Variants in UGT1A8 observed in about 807,000 individuals in gnomAD.
The protein encoded by UGT1A8 is UDP glucuronosyltransferase family 1 member A8, also known as UDP-glucuronosyltransferase 1A8.
Under a neutral mutation model 45.3 loss-of-function variants are expected in UGT1A8, and 39 were observed. The ratio of observed to expected loss-of-function variants is 0.86; its 90% CI spans 0.67 to 1.12. The LOEUF is 1.12. UGT1A8 is among the 50% of genes most tolerant of loss of function. The probability of loss-of-function intolerance (pLI) is 0.00; values close to 1 mark genes in which losing one functional copy is unlikely to be tolerated. For synonymous variants in UGT1A8, 275 were observed against 249.2 expected (o/e 1.10, Z -0.97); for missense variants, 719 against 664.9 (o/e 1.08, Z -0.90).
intron 1 of UGT1A8, among the ~76,000 whole-genome samples, chr2:233,765,663 C>T (rs1698902511): frequency 6.6e-6 from 1 of 151,426 alleles, no homozygotes; most frequent in South Asian, 2.1e-4. Flanking sequence ...CAGCAAACCA[C>T]CATGGCATAT....
chr2:233,739,475 GA>G (rs1691117772), intron 1 of UGT1A8, among the ~76,000 whole-genome samples: 1 of 152,238 alleles, frequency 6.6e-6, no homozygotes, highest in African/African-American at 2.4e-5. Flanking sequence ...GAGACCGTGG[GA>G]GCCCATTTCT....
intron 1 of UGT1A8, among the ~76,000 whole-genome samples, chr2:233,765,612 G>T (rs1698887269): frequency 2.0e-5 from 3 of 151,940 alleles, no homozygotes; most frequent in Admixed American, 6.6e-5. Flanking sequence ...GTGGCGGGGT[G>T]AGGGGTGAGG....
At chr2:233,746,983 G>T (rs1426069164) in intron 1 of UGT1A8, among the ~76,000 whole-genome samples, 1 of 151,820 alleles carries the variant, frequency 6.6e-6, no homozygotes, top group Non-Finnish European at 1.5e-5. Context: ...AGCGAGCGCA[G>T]GGTCAGATGA....
chr2:233,737,653 G>C (rs567057644), intron 1 of UGT1A8, among the ~76,000 whole-genome samples: 4 of 152,320 alleles, frequency 2.6e-5, no homozygotes, highest in African/African-American at 9.6e-5. Context: ...CATGCTGGGA[G>C]CTGCAGATCG....
At chr2:233,673,458 A>G (rs1409521371) in intron 1 of UGT1A8, among the ~76,000 whole-genome samples, 1 of 152,142 alleles carries the variant, frequency 6.6e-6, no homozygotes, top group East Asian at 1.9e-4. Context: ...TACTTTCCTT[A>G]CATGAATATA....
rs141017445 is a variant in UGT1A8, at chr2:233,674,407, C to T, written c.855+55845C>T. Among the ~76,000 whole-genome samples the T allele has an allele frequency of 2.2e-3, 337 of 152,250 alleles. 2 individuals carry two copies. Among genetic ancestry groups the T allele is most frequent in the African/African-American group, 7.8e-3 (324 of 41,536 alleles). On this transcript the variant is annotated intron_variant, in intron 1 of 4. Transcript: ENST00000373450. Reference sequence around the variant, plus strand: ...TACCCTCCATAAATTATAGTATCCTCCATTAATTGTAGTAACAGGCACCAC... The same window carrying T: ...TACCCTCCATAAATTATAGTATCCTTCATTAATTGTAGTAACAGGCACCAC...
chr2:233,668,702 T>A (rs1202934189), intron 1 of UGT1A8, among the ~76,000 whole-genome samples: 2 of 152,248 alleles, frequency 1.3e-5, no homozygotes, highest in Admixed American at 1.3e-4. Flanking sequence ...TTTCTCCACA[T>A]CTTCTCTAGC....
chr2:233,675,984 A>G (rs1252674012), intron 1 of UGT1A8, among the ~76,000 whole-genome samples: 1 of 152,208 alleles, frequency 6.6e-6, no homozygotes, highest in African/African-American at 2.4e-5. Flanking sequence ...CTTTCCATAC[A>G]GATCAATGGA....
rs1430980091 is a variant in UGT1A8 at position 233,768,314 on chromosome 2, G to A, written c.1170G>A (p.Leu390=). ...CNGVPMVMMP[L]FGDQMDNAKR... is the part of the protein sequence containing the mutation. ...GCGTTCCCATGGTGATGATGCCCTTGTTTGGTGATCAGATGGACAATGCAA... is the reference window on the plus strand; with the variant it reads ...GCGTTCCCATGGTGATGATGCCCTTATTTGGTGATCAGATGGACAATGCAA... The change falls in exon 4 of 5, where the codon TTG becomes TTA. Residue 390 remains leucine (L), a synonymous_variant. Transcript: ENST00000373450. 1.9e-5 allele frequency: 31 copies of A among 1,614,180 alleles called. No homozygotes were observed. Among genetic ancestry groups the A allele is most frequent in the Non-Finnish European group, 2.6e-5 (31 of 1,180,040 alleles).
chr2:233,685,430 G>A (rs1665210350), intron 1 of UGT1A8, among the ~76,000 whole-genome samples: 1 of 152,068 alleles, frequency 6.6e-6, no homozygotes, highest in Non-Finnish European at 1.5e-5. Context: ...CAGTTATAAA[G>A]AATTCGAGCT....
At chr2:233,752,913 G>A (rs1372814851) in intron 1 of UGT1A8, among the ~76,000 whole-genome samples, 1 of 152,202 alleles carries the variant, frequency 6.6e-6, no homozygotes, top group East Asian at 1.9e-4. Context: ...CCACCTCTGA[G>A]TGACACTGGT....
intron 1 of UGT1A8, among the ~76,000 whole-genome samples, chr2:233,701,179 T>C (rs961391364): frequency 6.6e-6 from 1 of 152,222 alleles, no homozygotes; most frequent in African/African-American, 2.4e-5. Context: ...GTTATAAACA[T>C]ACATGTGCAT....
chr2:233,744,541 T>G (rs1692842272), intron 1 of UGT1A8, among the ~76,000 whole-genome samples: 1 of 151,942 alleles, frequency 6.6e-6, no homozygotes, highest in African/African-American at 2.4e-5. Flanking sequence ...TATGTAAATT[T>G]TATTAAGACA....
intron 1 of UGT1A8, chr2:233,637,443 A>G: frequency 6.5e-7 from 1 of 1,527,648 alleles, no homozygotes; most frequent in South Asian, 1.3e-5. Context: ...AGGATTCCTT[A>G]CTGAACTGTG....
At chr2:233,764,396 C>G (rs1202361734) in intron 1 of UGT1A8, among the ~76,000 whole-genome samples, 1 of 152,202 alleles carries the variant, frequency 6.6e-6, no homozygotes, top group African/African-American at 2.4e-5. Flanking sequence ...GTGATGACAA[C>G]TTCTCTGCAG....
intron 1 of UGT1A8, among the ~76,000 whole-genome samples, chr2:233,736,104 T>C (rs1411990177): frequency 6.6e-6 from 1 of 152,222 alleles, no homozygotes; most frequent in Non-Finnish European, 1.5e-5. Context: ...CTGAAGAGTG[T>C]TTTCCAACTT....
intron 1 of UGT1A8, among the ~76,000 whole-genome samples, chr2:233,688,124 A>G (rs2074878809): frequency 6.6e-6 from 1 of 151,968 alleles, no homozygotes. Flanking sequence ...CTCAGCACTA[A>G]TTTACTTTCT....
chr2:233,737,601 C>T (rs2078898961), intron 1 of UGT1A8, among the ~76,000 whole-genome samples: 1 of 152,178 alleles, frequency 6.6e-6, no homozygotes, highest in African/African-American at 2.4e-5. Flanking sequence ...GAACCAGGTA[C>T]CTCAGTTGGA....
intron 1 of UGT1A8, chr2:233,648,013 C>A: frequency 6.2e-7 from 1 of 1,602,946 alleles, no homozygotes; most frequent in Non-Finnish European, 8.5e-7. Flanking sequence ...TGTAGTCAGG[C>A]CAGAGGTGAG....
Sources: allele counts gnomAD v4.1 joint callset (sites outside exome capture counted in the v4.1 genomes callset), GRCh38; gene constraint gnomAD v4.1.1; transcripts MANE v1.5; gene names NCBI Gene and HGNC (gene_info 2026-07-23, HGNC 2026-07-21).